The following CLIC5 variants were observed in gnomAD, a reference collection of about 807,000 sequenced individuals.
CLIC5 encodes the protein CLIC family member 5.
A neutral mutation model predicts 24.7 loss-of-function variants in CLIC5; 20 were observed. That is an observed-to-expected ratio of 0.81 (90% CI 0.57 to 1.18). The LOEUF is 1.18. Ranked by LOEUF, CLIC5 falls within the 50% of genes most tolerant of loss-of-function variation. CLIC5 has a pLI of 0.00. For synonymous variants in CLIC5, 159 were observed against 135.6 expected (o/e 1.17, Z -1.20); for missense variants, 341 against 326.1 (o/e 1.05, Z -0.35).
At position 45,912,884 on chromosome 6, in the gene CLIC5, C is replaced by A. The variant is rs944112694; in HGVS notation, c.588+1344G>T. ...CTTTTCTAAATAGGTTGTATTTGCC[C>A]ACTCCATTTTTATGCATGATTCCCT... is the stretch of plus-strand genomic sequence containing the variant. On this transcript the variant is annotated intron_variant, in intron 5 of 5. Transcript: ENST00000339561. The A allele has an allele frequency of 4.6e-6, 3 of 645,334 alleles. No homozygotes were observed. The South Asian group carries it at 5.1e-5, about 11-fold the overall frequency. The allele number at this position is 645,334 out of a possible 1,614,324, so 40.0% of individuals were successfully genotyped here.
intron 5 of CLIC5, among the ~76,000 whole-genome samples, chr6:45,904,712 A>ACT (rs925907403): frequency 1.6e-5 from 1 of 61,568 alleles, no homozygotes; most frequent in Non-Finnish European, 2.9e-5. Flanking sequence ...TCTTTCTCTC[A>ACT]CTCTCTCTCT....
At chr6:45,921,774 C>T (rs1263353160) in intron 4 of CLIC5, among the ~76,000 whole-genome samples, 2 of 152,188 alleles carry the variant, frequency 1.3e-5, no homozygotes, top group Non-Finnish European at 1.5e-5. Flanking sequence ...CTGGAAGCAT[C>T]TCTTTGGGTT....
rs112573934 is a variant in CLIC5, at chr6:45,908,088, T to C, written c.589-4833A>G. Among the ~76,000 whole-genome samples the C allele has an allele frequency of 7.3e-3, 1,106 of 152,340 alleles. 10 individuals carry two copies. The highest frequency in any genetic ancestry group is 0.024 in the African/African-American group (1,001 of 41,582). On this transcript the variant is annotated intron_variant, in intron 5 of 5. Transcript: ENST00000339561. The stretch of plus-strand genomic sequence containing the variant: ...TTCATAATAGTCTTTAAGGATCTTC[T>C]GTATTTCTGTGAGCTCAATTGTAAT...
chr6:45,887,850 G>A (rs983067134), intron 6 of CLIC5, among the ~76,000 whole-genome samples: 1 of 152,210 alleles, frequency 6.6e-6, no homozygotes, highest in Non-Finnish European at 1.5e-5. Context: ...GGACAGGGAA[G>A]CCTCTGGGTA....
At chr6:45,996,862 T>C (rs1413707233) in intron 1 of CLIC5, among the ~76,000 whole-genome samples, 2 of 151,828 alleles carry the variant, frequency 1.3e-5, no homozygotes, top group Non-Finnish European at 2.9e-5. Context: ...CAACAGGTGC[T>C]GGAGAGGATG....
At chr6:45,960,362 CT>C (rs1216233592) in intron 1 of CLIC5, among the ~76,000 whole-genome samples, 2 of 152,192 alleles carry the variant, frequency 1.3e-5, no homozygotes, top group Non-Finnish European at 2.9e-5. Flanking sequence ...CCAATGCACC[CT>C]TGAATATATG....
chr6:46,063,350 C>G (rs752978616), intron 1 of CLIC5, among the ~76,000 whole-genome samples: 2 of 152,096 alleles, frequency 1.3e-5, no homozygotes, highest in Non-Finnish European at 2.9e-5. Flanking sequence ...CCAGATTTAC[C>G]CTTAACAAAT....
At chr6:45,990,381 A>G (rs1163730720) in intron 1 of CLIC5, among the ~76,000 whole-genome samples, 1 of 152,236 alleles carries the variant, frequency 6.6e-6, no homozygotes, top group Non-Finnish European at 1.5e-5. Flanking sequence ...GAACGAAACA[A>G]AGAATCCTCC....
At chr6:45,954,560 G>A (rs1044044358) in intron 2 of CLIC5, among the ~76,000 whole-genome samples, 1 of 152,196 alleles carries the variant, frequency 6.6e-6, no homozygotes, top group Admixed American at 6.5e-5. Context: ...ACAACAGGTA[G>A]AAGACAGGAA....
At chr6:46,080,224 T>C in exon 1 of CLIC5, 1 of 1,551,056 alleles carries the variant, frequency 6.4e-7, no homozygotes, top group Non-Finnish European at 8.7e-7. Context: ...TAGATGGTGC[T>C]GTAGTCTTCG....
chr6:46,002,633 C>A (rs894706899), intron 1 of CLIC5, among the ~76,000 whole-genome samples: 18 of 152,184 alleles, frequency 1.2e-4, no homozygotes, highest in Non-Finnish European at 1.8e-4. Flanking sequence ...CCATAGGTAG[C>A]CCATTACAAG....
chr6:45,957,319 T>C (rs1326358131), intron 1 of CLIC5, among the ~76,000 whole-genome samples: 1 of 152,210 alleles, frequency 6.6e-6, no homozygotes, highest in Non-Finnish European at 1.5e-5. Context: ...TTAACTTGTT[T>C]ATTTCTCCTG....
chr6:45,955,199 G>T lies in CLIC5; in HGVS notation c.109C>A (p.Arg37Ser), dbSNP rs999896490. ...TTCAGCCAGAGGATCATGAAGAGGC[G>T]CTGAGAGAAAGGACAGTTGCCGATG... is the stretch of plus-strand genomic sequence containing the variant. ...ESIGNCPFSQ[R>S]LFMILWLKGV... The change falls in exon 2 of 6, where the codon CGC (arginine) becomes AGC (serine). Residue 37 changes from arginine to serine, a missense_variant. Transcript: ENST00000339561. The T allele has an allele frequency of 6.2e-7, 1 of 1,614,018 alleles. No homozygotes were observed. Among genetic ancestry groups the T allele is most frequent in the African/African-American group, 1.3e-5 (1 of 75,048 alleles).
chr6:45,908,343 A>G (rs1312897283), intron 5 of CLIC5, among the ~76,000 whole-genome samples: 1 of 151,956 alleles, frequency 6.6e-6, no homozygotes, highest in African/African-American at 2.4e-5. Context: ...CTGTTTTTCT[A>G]GTTCCTCTAG....
At chr6:46,091,019 C>A in the CLIC5 span, among the ~76,000 whole-genome samples, 1 of 152,184 alleles carries the variant, frequency 6.6e-6, no homozygotes, top group Non-Finnish European at 1.5e-5. Context: ...TTTCCTTTTT[C>A]TGTCTGTAAA....
At chr6:46,088,398 A>G in the CLIC5 span, among the ~76,000 whole-genome samples, 1 of 152,148 alleles carries the variant, frequency 6.6e-6, no homozygotes, top group Non-Finnish European at 1.5e-5. Flanking sequence ...ACACACATTT[A>G]GCTTGAAATA....
chr6:45,950,967 GTTATC>G (rs927465058), intron 2 of CLIC5, among the ~76,000 whole-genome samples: 4 of 152,126 alleles, frequency 2.6e-5, no homozygotes, highest in Admixed American at 1.3e-4. Flanking sequence ...TTACTTAAAT[GTTATC>G]TTAAGTTAAA....
At chr6:46,055,028 TTC>T (rs1454483135) in intron 1 of CLIC5, among the ~76,000 whole-genome samples, 3 of 152,220 alleles carry the variant, frequency 2.0e-5, no homozygotes, top group Non-Finnish European at 2.9e-5. Context: ...CTGTAAACTT[TTC>T]TCTGATTTTC....
chr6:46,089,435 C>T, the CLIC5 span, among the ~76,000 whole-genome samples: 2 of 152,034 alleles, frequency 1.3e-5, no homozygotes, highest in African/African-American at 4.8e-5. Context: ...TTCTAGAACC[C>T]TATGCAATAA....
Sources: allele counts gnomAD v4.1 joint callset (sites outside exome capture counted in the v4.1 genomes callset), GRCh38; gene constraint gnomAD v4.1.1; transcripts MANE v1.5; gene names NCBI Gene and HGNC (gene_info 2026-07-23, HGNC 2026-07-21).